The following DSCAM variants were observed in gnomAD, a reference collection of about 807,000 sequenced individuals.
DSCAM encodes cell adhesion molecule DSCAM.
DSCAM carries 47 observed loss-of-function variants against 217.7 expected under a neutral mutation model. The ratio of observed to expected loss-of-function variants is 0.22; its 90% confidence interval spans 0.17 to 0.28. DSCAM has a LOEUF of 0.28. Among genes scored for constraint, DSCAM ranks in the 10% least tolerant of loss-of-function variants. DSCAM has a pLI of 1.00. For missense variants in DSCAM, 2,080 were observed against 2,618.3 expected, an observed-to-expected ratio of 0.79 and a Z score of 4.49; for synonymous variants, 1,056 against 1,015.3, an observed-to-expected ratio of 1.04 and a Z score of -0.76.
At chr21:40,828,218 C>A (rs2091985176) in intron 1 of DSCAM, among the ~76,000 whole-genome samples, 1 of 152,068 alleles carries the variant, frequency 6.6e-6, no homozygotes, top group Non-Finnish European at 1.5e-5. Flanking sequence ...GCCCAGGCAA[C>A]ATAGTGAGAC....
intron 16 of DSCAM, among the ~76,000 whole-genome samples, chr21:40,163,275 G>C (rs1477935006): frequency 6.6e-6 from 1 of 152,166 alleles, no homozygotes; most frequent in Admixed American, 6.5e-5. Flanking sequence ...GAATTCCTTA[G>C]TTGTACAATG....
At chr21:40,354,427 G>A (rs2074668195) in intron 4 of DSCAM, among the ~76,000 whole-genome samples, 1 of 152,086 alleles carries the variant, frequency 6.6e-6, no homozygotes, top group Non-Finnish European at 1.5e-5. Context: ...GAGTGCAGTG[G>A]TGCAATGATT....
In DSCAM at chr21:40,013,215, G is replaced by A. The variant is rs1362207483; in HGVS notation, c.5858C>T (p.Ser1953Phe). ...CTGTCCTTCTCTCGTGGAGGAGGCG[G>A]AGGAGGCGGCTTCCATCGGGATGGG... ...LEPIPMEAAS[S>F]ASSTREGQSW... The change falls in exon 33 of 33, where the codon TCC becomes TTC. Residue 1953 changes from serine to phenylalanine, a missense_variant. Physicochemically the swap from Ser to Phe is radical, Grantham distance 155. This residue lies in a region of DSCAM where 145 missense variants were observed against 138.5 expected (regional missense o/e 1.05). Coordinates refer to ENST00000400454, the MANE Select transcript of DSCAM (RefSeq NM_001389.5). 1.9e-6 allele frequency: 3 copies of A among 1,613,828 alleles called. No homozygotes were observed. In the South Asian group the frequency reaches 3.3e-5, roughly 18 times the overall value.
At chr21:40,465,366 C>T (rs13046277) in intron 3 of DSCAM, among the ~76,000 whole-genome samples, 38,326 of 152,008 alleles carry the variant, frequency 0.25, 4,970 homozygotes, top group Admixed American at 0.29. Context: ...TGAGCTTAAA[C>T]GTCTCCCAAA....
At chr21:40,830,345 C>A (rs1259185304) in intron 1 of DSCAM, among the ~76,000 whole-genome samples, 1 of 152,148 alleles carries the variant, frequency 6.6e-6, no homozygotes, top group Non-Finnish European at 1.5e-5. Flanking sequence ...AAGCACAGCG[C>A]CACGCCATGA....
At chr21:40,367,799 A>G (rs183463282) in intron 4 of DSCAM, among the ~76,000 whole-genome samples, 1 of 152,264 alleles carries the variant, frequency 6.6e-6, no homozygotes, top group Admixed American at 6.5e-5. Flanking sequence ...GGCTTAGTGT[A>G]TGATATTCCC....
intron 3 of DSCAM, among the ~76,000 whole-genome samples, chr21:40,419,055 C>G (rs1454927722): frequency 1.3e-5 from 2 of 152,042 alleles, no homozygotes; most frequent in East Asian, 3.9e-4. Flanking sequence ...ACTGCAAACT[C>G]TGCCTCCCGG....
intron 3 of DSCAM, among the ~76,000 whole-genome samples, chr21:40,519,099 T>C (rs2076338439): frequency 6.6e-6 from 1 of 152,176 alleles, no homozygotes; most frequent in African/African-American, 2.4e-5. Context: ...GACTGAAATG[T>C]CACTATGTGG....
chr21:40,153,667 G>A, intron 16 of DSCAM, among the ~76,000 whole-genome samples: 1 of 152,300 alleles, frequency 6.6e-6, no homozygotes, highest in South Asian at 2.1e-4. Flanking sequence ...AACTGTTAGA[G>A]CTGCAAGAAC....
intron 3 of DSCAM, among the ~76,000 whole-genome samples, chr21:40,524,624 T>A (rs570746651): frequency 6.6e-6 from 1 of 152,214 alleles, no homozygotes; most frequent in South Asian, 2.1e-4. Flanking sequence ...TTTGCTTGAG[T>A]TTTCTGGTCA....
intron 3 of DSCAM, among the ~76,000 whole-genome samples, chr21:40,564,783 A>C (rs1285761430): frequency 6.6e-6 from 1 of 152,218 alleles, no homozygotes; most frequent in South Asian, 2.1e-4. Context: ...TGCCTTAAAA[A>C]CACACAAAGC....
At chr21:40,450,777 A>C (rs894953135) in intron 3 of DSCAM, among the ~76,000 whole-genome samples, 9 of 152,208 alleles carry the variant, frequency 5.9e-5, no homozygotes, top group African/African-American at 2.2e-4. Flanking sequence ...TTAATGACAG[A>C]CATTACTATA....
intron 3 of DSCAM, among the ~76,000 whole-genome samples, chr21:40,401,128 C>T (rs2075229488): frequency 6.6e-6 from 1 of 152,142 alleles, no homozygotes; most frequent in South Asian, 2.1e-4. Flanking sequence ...CATCTGTAGT[C>T]CAAATTACCA....
At chr21:40,422,759 G>T (rs113048938) in intron 3 of DSCAM, among the ~76,000 whole-genome samples, 451 of 152,266 alleles carry the variant, frequency 3.0e-3, no homozygotes, top group Non-Finnish European at 5.2e-3. Flanking sequence ...TCCTCCATAT[G>T]AGGCAGCCAC....
At chr21:40,574,864 C>T (rs906844198) in intron 3 of DSCAM, among the ~76,000 whole-genome samples, 3 of 152,218 alleles carry the variant, frequency 2.0e-5, no homozygotes, top group East Asian at 1.9e-4. Context: ...CCCGCCCCTG[C>T]ACCTGGCTAA....
chr21:40,178,387 A>T (rs779536010), intron 15 of DSCAM, among the ~76,000 whole-genome samples: 2 of 152,272 alleles, frequency 1.3e-5, no homozygotes, highest in South Asian at 4.1e-4. Flanking sequence ...TATCTTCTGA[A>T]TTTGCAACAC....
chr21:40,686,452 G>A (rs1308341145), intron 3 of DSCAM, among the ~76,000 whole-genome samples: 3 of 151,778 alleles, frequency 2.0e-5, no homozygotes, highest in South Asian at 2.1e-4. Context: ...ATGTGGACAC[G>A]CACATCACAC....
chr21:40,828,805 GC>G (rs1331607918), intron 1 of DSCAM, among the ~76,000 whole-genome samples: 1 of 152,094 alleles, frequency 6.6e-6, no homozygotes, highest in Admixed American at 6.5e-5. Context: ...ACAGGCACAT[GC>G]CACCACACCT....
At chr21:40,420,655 G>A (rs1327274521) in intron 3 of DSCAM, among the ~76,000 whole-genome samples, 1 of 152,166 alleles carries the variant, frequency 6.6e-6, no homozygotes, top group East Asian at 1.9e-4. Flanking sequence ...GAAATTAGCT[G>A]AATGAGGTCA....
Sources: gnomAD v4.1 joint callset for allele counts (sites outside exome capture counted in the v4.1 genomes callset) on GRCh38, gnomAD v4.1.1 for gene constraint, gnomAD v4.1.1 regional missense constraint, MANE v1.5 for transcripts, NCBI Gene and HGNC (gene_info 2026-07-23, HGNC 2026-07-21) for gene names.